FBXW8: variants seen among roughly 807,000 people sequenced by gnomAD.
FBXW8 encodes F-box and WD repeat domain containing 8, also known as F-box/WD repeat-containing protein 8.
A neutral mutation model predicts 65.3 loss-of-function variants in FBXW8; 57 were observed. The ratio of observed to expected loss-of-function variants is 0.87; its 90% confidence interval spans 0.71 to 1.09. FBXW8 has a LOEUF of 1.09. Ranked by LOEUF, FBXW8 falls within the 50% of genes least tolerant of loss-of-function variation. The probability of loss-of-function intolerance (pLI) is 0.00; values close to 1 mark genes in which losing one functional copy is unlikely to be tolerated. For synonymous variants in FBXW8, 308 were observed against 330.2 expected, an observed-to-expected ratio of 0.93 and a Z score of 0.73; for missense variants, 777 against 814.8, an observed-to-expected ratio of 0.95 and a Z score of 0.57.
chr12:117,024,307 G>A lies in FBXW8; in HGVS notation c.1528G>A (p.Glu510Lys), dbSNP rs765090300. The A allele has an allele frequency of 2.5e-6, 4 of 1,613,986 alleles. No individual in the cohort carries two copies. The African/African-American group carries it at 4.0e-5, about 16-fold the overall frequency. ...WDYRMNQKLW[E>K]VYSGHPVQHI... ...TTATCGGATGAACCAGAAGCTGTGG[G>A]AGGTGTATTCCGGGTAAGGTGCATT... is the stretch of plus-strand genomic sequence containing the variant. Residue 510 changes from glutamate (E) to lysine (K), a missense_variant, in exon 9 of 11, where the codon GAG becomes AAG. Glu to Lys is a moderately conservative substitution (Grantham distance 56, BLOSUM62 1). Transcript: ENST00000652555.
intron 2 of FBXW8, among the ~76,000 whole-genome samples, chr12:116,941,618 T>G (rs545851920): frequency 6.6e-6 from 1 of 152,328 alleles, no homozygotes; most frequent in African/African-American, 2.4e-5. Flanking sequence ...TTATTTTTGG[T>G]ATAGTTTGCT....
At chr12:116,968,143 A>G (rs1016858106) in intron 5 of FBXW8, among the ~76,000 whole-genome samples, 1 of 152,216 alleles carries the variant, frequency 6.6e-6, no homozygotes, top group African/African-American at 2.4e-5. Flanking sequence ...TTTTTAATCT[A>G]AAAGTGAGTG....
chr12:116,988,628 A>C, intron 6 of FBXW8, 35 bp from the exon 7 acceptor site: 2 of 1,595,950 alleles, frequency 1.3e-6, no homozygotes, highest in Middle Eastern at 3.4e-4. Context: ...GTCAGGATGA[A>C]TTTATGGGAC....
At chr12:116,996,463 C>T (rs1953377751) in intron 7 of FBXW8, among the ~76,000 whole-genome samples, 1 of 151,698 alleles carries the variant, frequency 6.6e-6, no homozygotes. Context: ...TACCTCCACC[C>T]GAACAGGAAA....
At chr12:117,025,817 G>A (rs567529204) in intron 9 of FBXW8, among the ~76,000 whole-genome samples, 1 of 152,100 alleles carries the variant, frequency 6.6e-6, no homozygotes, top group Admixed American at 6.5e-5. Context: ...AGGTCCTCAG[G>A]GATGGCTGCC....
At chr12:116,977,007 C>T (rs756191522) in intron 5 of FBXW8, among the ~76,000 whole-genome samples, 5 of 152,100 alleles carry the variant, frequency 3.3e-5, no homozygotes, top group African/African-American at 7.2e-5. Context: ...GAGGGAGACC[C>T]GAGAGCCCCA....
intron 5 of FBXW8, among the ~76,000 whole-genome samples, chr12:116,971,518 A>G (rs1884644936): frequency 6.6e-6 from 1 of 152,094 alleles, no homozygotes; most frequent in Non-Finnish European, 1.5e-5. Context: ...GGCTGGAGGA[A>G]GTTGTTGAAT....
intron 4 of FBXW8, among the ~76,000 whole-genome samples, chr12:116,958,619 C>T (rs1431307638): frequency 6.6e-6 from 1 of 152,174 alleles, no homozygotes; most frequent in Non-Finnish European, 1.5e-5. Context: ...GTTTACAGAA[C>T]ACTCTGGGAG....
At chr12:116,958,072 A>G (rs758946340) in intron 4 of FBXW8, among the ~76,000 whole-genome samples, 18 of 152,250 alleles carry the variant, frequency 1.2e-4, no homozygotes, top group South Asian at 2.1e-4. Context: ...ATTAACCAAG[A>G]TGTATGGAAA....
chr12:116,937,908 G>A (rs1221216719), intron 2 of FBXW8, among the ~76,000 whole-genome samples: 3 of 151,666 alleles, frequency 2.0e-5, no homozygotes, highest in Admixed American at 6.6e-5. Flanking sequence ...AAATGCTGGA[G>A]ACACTTTTAT....
intron 2 of FBXW8, among the ~76,000 whole-genome samples, chr12:116,942,770 A>ATTTTTTT (rs71099022): frequency 5.4e-4 from 35 of 64,372 alleles, no homozygotes; most frequent in African/African-American, 1.8e-3. Flanking sequence ...CAGAGCTTCT[A>ATTTTTTT]TTTTTTTTTT....
In FBXW8 at chr12:116,988,809, C is replaced by G. The variant is rs1565929413; in HGVS notation, c.1179C>G (p.Val393=). ...AHGPPVTCLD[V]SANQVAFGVQ... ...GCCCGCCTGTCACATGTCTAGACGT[C>G]TCGGCCAACCAAGTTGCTTTTGGTG... The change falls in exon 7 of 11, where the codon GTC becomes GTG. Residue 393 remains valine, a synonymous_variant. Transcript: ENST00000652555. 3.7e-6 allele frequency: 6 copies of G among 1,614,154 alleles called. No homozygotes were observed. The South Asian group carries it at 5.5e-5, about 15-fold the overall frequency.
chr12:116,963,366 G>C (rs1884106149), intron 4 of FBXW8, among the ~76,000 whole-genome samples: 1 of 152,182 alleles, frequency 6.6e-6, no homozygotes, highest in Non-Finnish European at 1.5e-5. Context: ...CAACACTTTT[G>C]GAGGCCGACG....
intron 4 of FBXW8, among the ~76,000 whole-genome samples, chr12:116,954,133 A>AAAAAAAAAAT (rs1555219903): frequency 7.0e-6 from 1 of 142,726 alleles, no homozygotes. Context: ...AAAAAAAAAA[A>AAAAAAAAAAT]AGAAAAAGCA....
intron 4 of FBXW8, chr12:116,949,911 G>A (rs1883171161): frequency 1.8e-6 from 1 of 551,374 alleles, no homozygotes; most frequent in Admixed American, 3.0e-5. Flanking sequence ...ACATGGTGTA[G>A]AGCGGATCTG....
At chr12:116,921,656 A>T (rs1365610285) in intron 1 of FBXW8, among the ~76,000 whole-genome samples, 1 of 152,160 alleles carries the variant, frequency 6.6e-6, no homozygotes, top group East Asian at 1.9e-4. Flanking sequence ...TATTTTGAAC[A>T]TAAGTTACCT....
chr12:116,960,146 C>G, intron 4 of FBXW8, among the ~76,000 whole-genome samples: 1 of 152,228 alleles, frequency 6.6e-6, no homozygotes, highest in Non-Finnish European at 1.5e-5. Flanking sequence ...CATTCGTTAT[C>G]TGTTCTTGCT....
In FBXW8 at chr12:116,940,893, C is replaced by T. The variant is rs552578105; in HGVS notation, c.424-4471C>T. 3.3e-5 allele frequency among the ~76,000 whole-genome samples: 5 copies of T among 151,964 alleles called. No individual in the cohort carries two copies. In the East Asian group the frequency reaches 7.8e-4, roughly 24 times the overall value. ...TTTGAAGAGGGACACTTTAGATGTA[C>T]AAATGTTTTAGGGTGCATTGAGAGA... is the stretch of plus-strand genomic sequence containing the variant. On this transcript the variant is annotated intron_variant, in intron 2 of 10. Coordinates refer to ENST00000652555, the MANE Select transcript of FBXW8 (RefSeq NM_153348.3).
rs536717323 is a variant in FBXW8 at position 117,022,451 on chromosome 12, C to T, written c.1368-1696C>T. ...GGGTAGATCCCTTGGCCCAGGAGTT[C>T]GAGACCAGCCTGAGCAACACAGCAA... is the stretch of plus-strand genomic sequence containing the variant. On this transcript the variant is annotated intron_variant, in intron 8 of 10. Transcript: ENST00000652555. 4.0e-5 allele frequency among the ~76,000 whole-genome samples: 6 copies of T among 151,066 alleles called. No individual in the cohort carries two copies. The East Asian group carries it at 5.8e-4, about 15-fold the overall frequency.
Sources: gnomAD v4.1 joint callset for allele counts (sites outside exome capture counted in the v4.1 genomes callset) on GRCh38, gnomAD v4.1.1 for gene constraint, MANE v1.5 for transcripts, NCBI Gene and HGNC (gene_info 2026-07-23, HGNC 2026-07-21) for gene names.